The following IRAG2 variants were observed in gnomAD, a reference collection of about 807,000 sequenced individuals.
The protein encoded by IRAG2 is lymphoid restricted membrane protein.
IRAG2 carries 45 observed loss-of-function variants against 69.9 expected under a neutral mutation model. The observed-to-expected ratio is 0.64, with a 90% CI of 0.51 to 0.83. The LOEUF is 0.83. Ranked by LOEUF, IRAG2 falls within the 40% of genes least tolerant of loss-of-function variation. The probability of loss-of-function intolerance (pLI) is 0.00; values close to 1 mark genes in which losing one functional copy is unlikely to be tolerated. For missense variants in IRAG2, 520 were observed against 587.0 expected, an observed-to-expected ratio of 0.89 and a Z score of 1.18; for synonymous variants, 193 against 202.4, an observed-to-expected ratio of 0.95 and a Z score of 0.40.
At chr12:25,031,645 C>T (rs578152493) in intron 10 of IRAG2, among the ~76,000 whole-genome samples, 21 of 151,362 alleles carry the variant, frequency 1.4e-4, no homozygotes, top group South Asian at 2.1e-4. Context: ...CCTTTTTGTC[C>T]GTGTGTGTGT....
chr12:25,012,138 A>G (rs1944479929), intron 3 of IRAG2, among the ~76,000 whole-genome samples: 1 of 126,574 alleles, frequency 7.9e-6, no homozygotes, highest in Non-Finnish European at 1.6e-5. Flanking sequence ...ACAGAAAGCG[A>G]ATTCCCTTTT....
At chr12:25,020,581 A>G (rs1944570398) in intron 6 of IRAG2, among the ~76,000 whole-genome samples, 3 of 152,298 alleles carry the variant, frequency 2.0e-5, no homozygotes, top group African/African-American at 7.2e-5. Flanking sequence ...TGTTTTCCCC[A>G]TAGTCTCCAT....
chr12:25,102,382 G>T, intron 17 of IRAG2, 141 bp downstream of exon 17: 1 of 653,906 alleles, frequency 1.5e-6, no homozygotes, highest in African/African-American at 1.8e-5. Context: ...ATCTAAGTAT[G>T]CTTTTATACT....
intron 9 of IRAG2, among the ~76,000 whole-genome samples, chr12:25,028,864 C>A (rs1944646060): frequency 6.6e-6 from 1 of 152,136 alleles, no homozygotes; most frequent in Non-Finnish European, 1.5e-5. Context: ...ATAATTTAAA[C>A]ATCAATTTTT....
At chr12:25,050,976 G>A (rs1430291292), upstream of IRAG2, among the ~76,000 whole-genome samples, 1 of 152,102 alleles carries the variant, frequency 6.6e-6, no homozygotes, top group Non-Finnish European at 1.5e-5. Context: ...CTAGGGGAGG[G>A]GAAATGAGGA....
chr12:25,086,214 G>A (rs919063949), intron 10 of IRAG2, among the ~76,000 whole-genome samples: 2 of 152,152 alleles, frequency 1.3e-5, no homozygotes, highest in African/African-American at 4.8e-5. Context: ...TAGTGAAGGT[G>A]GAGAAAAGGA....
Position 25,104,551 on chromosome 12 carries a change from G to A in IRAG2, c.1148+89G>A, listed in dbSNP as rs1267174119. 4.0e-6 allele frequency: 3 copies of A among 751,346 alleles called. No homozygotes were observed. In the African/African-American group the frequency reaches 5.2e-5, roughly 13 times the overall value. The allele number at this position is 751,346 out of a possible 1,614,324, so 46.5% of individuals were successfully genotyped here. ...TTTTATTCCATGGAGATGAAATAAT[G>A]CTGTATAATTAAAAAGATAATTCAT... On this transcript the variant is annotated intron_variant, in intron 20 of 21. Transcript: ENST00000556887.
At chr12:25,024,861 A>C (rs1003351358) in intron 8 of IRAG2, among the ~76,000 whole-genome samples, 32 of 152,232 alleles carry the variant, frequency 2.1e-4, no homozygotes, top group African/African-American at 7.7e-4. Context: ...ACACGTATCA[A>C]AGAATTGTAC....
In IRAG2 at chr12:25,088,238, G is replaced by A. The variant is rs980222799; in HGVS notation, c.373+81G>A. 9.8e-6 allele frequency: 11 copies of A among 1,118,758 alleles called. No individual in the cohort carries two copies. In the African/African-American group the frequency reaches 1.6e-4, roughly 16 times the overall value. 69.3% of individuals were successfully genotyped at this position (1,118,758 alleles called of 1,614,324 possible). A position where few individuals can be genotyped will look rare whatever the true frequency, so the allele number is the denominator to read the frequency against. On this transcript the variant is annotated intron_variant, in intron 11 of 21. Transcript: ENST00000556887. Reference sequence around the variant, plus strand: ...TGTGGGTGAAATCTGTCTGAATAAAGCTATGTCACTTACAAATTCTGCATC... The same window carrying A: ...TGTGGGTGAAATCTGTCTGAATAAAACTATGTCACTTACAAATTCTGCATC...
intron 3 of IRAG2, among the ~76,000 whole-genome samples, chr12:25,014,901 G>A (rs1944508607): frequency 6.6e-6 from 1 of 150,940 alleles, no homozygotes; most frequent in South Asian, 2.1e-4. Context: ...AGGTAAAAGT[G>A]TATGGATGGT....
chr12:25,004,653 C>T, exon 1 of IRAG2: 1 of 1,232,140 alleles, frequency 8.1e-7, no homozygotes, highest in Non-Finnish European at 1.0e-6. Flanking sequence ...ACCTCAGCTC[C>T]CCTGAGACTG....
At chr12:25,077,299 AATATATATGATATATATGAT>A (rs1946819530) in intron 6 of IRAG2, among the ~76,000 whole-genome samples, 4 of 39,522 alleles carry the variant, frequency 1.0e-4, no homozygotes, top group African/African-American at 4.0e-4. Flanking sequence ...ATATATATGA[AATATATATGATATATATGAT>A]ATATATATGA....
intron 9 of IRAG2, among the ~76,000 whole-genome samples, chr12:25,080,748 T>G (rs942042469): frequency 6.6e-6 from 1 of 152,212 alleles, no homozygotes; most frequent in Admixed American, 6.5e-5. Context: ...GGAATCCATT[T>G]CATGGGTTAA....
chr12:25,066,393 A>G lies in IRAG2; in HGVS notation c.-178A>G. 1 of 401,132 alleles carries G rather than the reference A, an allele frequency of 2.5e-6. No individual in the cohort carries two copies. The highest frequency in any genetic ancestry group is 3.6e-5 in the East Asian group (1 of 28,060). 24.8% of individuals were successfully genotyped at this position (401,132 alleles called of 1,614,324 possible). ...CCTTATCTCTGGATAGTTTTACAGC[A>G]GTTCCAACCCTGGAATCAACACCTT... On this transcript the variant is annotated 5_prime_UTR_variant, in exon 5 of 22. Transcript: ENST00000556887.
At chr12:25,010,044 T>C (rs1311257410) in intron 2 of IRAG2, among the ~76,000 whole-genome samples, 1 of 152,204 alleles carries the variant, frequency 6.6e-6, no homozygotes, top group African/African-American at 2.4e-5. Flanking sequence ...AGGTACCCAT[T>C]GATACATGAA....
chr12:25,027,457 C>T (rs1347476006), intron 9 of IRAG2, among the ~76,000 whole-genome samples: 1 of 147,372 alleles, frequency 6.8e-6, no homozygotes, highest in Non-Finnish European at 1.5e-5. Context: ...TGCAGTGGTG[C>T]AATCTTGGCT....
exon 16 of IRAG2, chr12:25,038,003 A>G (rs545249986): frequency 1.5e-5 from 6 of 398,928 alleles, no homozygotes; most frequent in African/African-American, 1.2e-4. Context: ...AAGAGAAGCT[A>G]GATCTTTGCA....
At chr12:25,069,536 G>A (rs998874025) in intron 6 of IRAG2, 105 bp downstream of exon 6, 1 of 1,011,102 alleles carries the variant, frequency 9.9e-7, no homozygotes. Flanking sequence ...TAAGTATTAT[G>A]GATATTCTTG....
In IRAG2 at chr12:25,052,847, A is replaced by G. The variant is rs1944927203; in HGVS notation, c.-556A>G. On this transcript the variant is annotated 5_prime_UTR_variant, in exon 1 of 22. Transcript: ENST00000556887. ...CTGCCAGTGAAAAAGCTACGTCTTTACTGCATAAATTAGAGGAAGCAATTT... is the reference window on the plus strand; with the variant it reads ...CTGCCAGTGAAAAAGCTACGTCTTTGCTGCATAAATTAGAGGAAGCAATTT... The G allele has an allele frequency of 2.5e-6, 1 of 398,550 alleles. No individual in the cohort carries two copies. The highest frequency in any genetic ancestry group is 4.4e-5 in the Admixed American group (1 of 22,720). The allele number at this position is 398,550 out of a possible 1,614,324, so 24.7% of individuals were successfully genotyped here.
Sources: allele counts gnomAD v4.1 joint callset (sites outside exome capture counted in the v4.1 genomes callset), GRCh38; gene constraint gnomAD v4.1.1; transcripts MANE v1.5; gene names NCBI Gene and HGNC (gene_info 2026-07-23, HGNC 2026-07-21).